The following PCDHA3 variants were observed in gnomAD, a reference collection of about 807,000 sequenced individuals.
PCDHA3 encodes the protein protocadherin alpha 3.
Under a neutral mutation model 62.2 loss-of-function variants are expected in PCDHA3, and 41 were observed. The observed-to-expected ratio is 0.66, with a 90% CI of 0.51 to 0.86. The LOEUF is 0.86. PCDHA3 is among the 40% of genes least tolerant of loss of function. The pLI, the probability that PCDHA3 is intolerant of heterozygous loss-of-function variation, is 0.00. For missense variants in PCDHA3, 1,304 were observed against 1,241.2 expected, an observed-to-expected ratio of 1.05 and a Z score of -0.76; for synonymous variants, 640 against 555.4, an observed-to-expected ratio of 1.15 and a Z score of -2.14.
chr5:140,891,974 C>T (rs2063333007), intron 1 of PCDHA3, among the ~76,000 whole-genome samples: 1 of 152,170 alleles, frequency 6.6e-6, no homozygotes, highest in South Asian at 2.1e-4. Context: ...AATTTCCGTT[C>T]TCATAAATTA....
chr5:140,968,802 C>T, intron 1 of PCDHA3: 1 of 1,614,218 alleles, frequency 6.2e-7, no homozygotes. Flanking sequence ...ATTACAGTAG[C>T]TGTGGTGGAT....
rs1562773759 is a variant in PCDHA3 at position 140,882,388 on chromosome 5, A to G, written c.2394+78797A>G. 2.5e-6 allele frequency: 4 copies of G among 1,614,158 alleles called. No individual in the cohort carries two copies. The African/African-American group carries it at 4.0e-5, about 16-fold the overall frequency. Reference sequence around the variant, plus strand: ...ACTACTCCGTCCCCGAGGAAGCAAAACACGGCACCTTCGTGGGCCGCATCG... The same window carrying G: ...ACTACTCCGTCCCCGAGGAAGCAAAGCACGGCACCTTCGTGGGCCGCATCG... On this transcript the variant is annotated intron_variant, in intron 1 of 3. Transcript: ENST00000522353.
chr5:140,927,959 G>A lies in PCDHA3; in HGVS notation c.2395-50990G>A. On this transcript the variant is annotated intron_variant, in intron 1 of 3. Transcript: ENST00000522353. ...CCAGTACCTGAGGACGCTGCCCCTG[G>A]CACAGTGATTGCTCTCTTTAGTGTA... 1 of 1,614,190 alleles carries A rather than the reference G, an allele frequency of 6.2e-7. No individual in the cohort carries two copies. Among genetic ancestry groups the A allele is most frequent in the East Asian group, 2.2e-5 (1 of 44,886 alleles).
At position 140,807,432 on chromosome 5, in the gene PCDHA3, G is replaced by T. The variant is rs1554124011; in HGVS notation, c.2394+3841G>T. The T allele has an allele frequency of 1.9e-6, 3 of 1,599,340 alleles. No individual in the cohort carries two copies. The South Asian group carries it at 3.3e-5, about 18-fold the overall frequency. On this transcript the variant is annotated intron_variant, in intron 1 of 3. Coordinates refer to ENST00000522353, the MANE Select transcript of PCDHA3 (RefSeq NM_018906.3). ...CTTCTGGAGGTAAATCTGCAGAATG[G>T]CATTTTGTTTGTGAATTCTCGGATC...
rs903321831 is a variant in PCDHA3, at chr5:140,926,671, C to A, written c.2395-52278C>A. ...CGGCTCCGCTTTCCCAGACGGCTGC[C>A]CAGCCTCCAGCCTAGCAAGCCCGGC... On this transcript the variant is annotated intron_variant, in intron 1 of 3. Coordinates refer to ENST00000522353, the MANE Select transcript of PCDHA3 (RefSeq NM_018906.3). The A allele has an allele frequency of 3.5e-5, 20 of 579,422 alleles. No homozygotes were observed. The South Asian group carries it at 7.5e-4, about 22-fold the overall frequency. 35.9% of individuals were successfully genotyped at this position (579,422 alleles called of 1,614,324 possible).
chr5:140,843,097 G>A lies in PCDHA3; in HGVS notation c.2394+39506G>A, dbSNP rs2150352521. 1.9e-6 allele frequency: 3 copies of A among 1,595,590 alleles called. 1 individual carries two copies. The highest frequency in any genetic ancestry group is 1.1e-5 in the South Asian group (1 of 90,512). On this transcript the variant is annotated intron_variant, in intron 1 of 3. Transcript: ENST00000522353. ...CTGTGGGCGCGGGCCACGTGGTAGCGAAGGTGCGCGCAGTGGACGCCGACT... is the reference window on the plus strand; with the variant it reads ...CTGTGGGCGCGGGCCACGTGGTAGCAAAGGTGCGCGCAGTGGACGCCGACT...
chr5:140,861,587 G>C, intron 1 of PCDHA3: 1 of 374,992 alleles, frequency 2.7e-6, no homozygotes, highest in South Asian at 2.4e-5. Flanking sequence ...TCCATGTGGA[G>C]GTGAAAGTGA....
chr5:141,009,471 G>A, intron 3 of PCDHA3, 156 bp from the exon 4 acceptor site: 1 of 961,136 alleles, frequency 1.0e-6, no homozygotes, highest in Non-Finnish European at 1.2e-6. Context: ...AAATAAATAA[G>A]TAAACACTTG....
chr5:140,807,052 C>G, intron 1 of PCDHA3: 1 of 1,051,964 alleles, frequency 9.5e-7, no homozygotes, highest in African/African-American at 1.6e-5. Context: ...TCCTTCTATT[C>G]TTACTGGAAG....
At position 140,801,260 on chromosome 5, in the gene PCDHA3, C is replaced by A. The variant is rs1290805371; in HGVS notation, c.63C>A (p.Leu21=). ...GCCTGCTGCTTTCTCTTCTGCTCCT[C>A]GCAGCCTCGGAGGTGGGGAGCGGCC... is the stretch of plus-strand genomic sequence containing the variant. ...AQCLLLSLLL[L]AASEVGSGQL... The change falls in exon 1 of 4, where the codon CTC becomes CTA. Residue 21 remains leucine (L), a synonymous_variant. Coordinates refer to ENST00000522353, the MANE Select transcript of PCDHA3 (RefSeq NM_018906.3). 1 of 1,613,632 alleles carries A rather than the reference C, an allele frequency of 6.2e-7. No homozygotes were observed. The highest frequency in any genetic ancestry group is 8.5e-7 in the Non-Finnish European group (1 of 1,179,876).
At chr5:140,875,181 TAA>T (rs1554167538) in intron 1 of PCDHA3, 2 of 448,484 alleles carry the variant, frequency 4.5e-6, no homozygotes, top group East Asian at 4.2e-5. Flanking sequence ...ACATTAGAAT[TAA>T]GAGTGACCCA....
intron 1 of PCDHA3, among the ~76,000 whole-genome samples, chr5:140,886,964 A>T (rs2061244320): frequency 6.6e-6 from 1 of 152,114 alleles, no homozygotes; most frequent in Admixed American, 6.5e-5. Context: ...TTAGCAACGA[A>T]ATTTATTATT....
At chr5:140,874,144 T>C (rs1554167057) in intron 1 of PCDHA3, among the ~76,000 whole-genome samples, 2 of 152,244 alleles carry the variant, frequency 1.3e-5, no homozygotes. Context: ...CTTATACTTG[T>C]AGAGCCATTC....
intron 1 of PCDHA3, among the ~76,000 whole-genome samples, chr5:140,938,921 T>C (rs2092266107): frequency 6.6e-6 from 1 of 151,840 alleles, no homozygotes; most frequent in Non-Finnish European, 1.5e-5. Context: ...GCACAAGAAA[T>C]TGGCTTTTAA....
At chr5:140,896,090 C>T (rs1312909051) in intron 1 of PCDHA3, among the ~76,000 whole-genome samples, 2 of 152,152 alleles carry the variant, frequency 1.3e-5, no homozygotes, top group African/African-American at 4.8e-5. Flanking sequence ...GGATTACAGG[C>T]GTGAGCCACT....
In PCDHA3 at chr5:140,829,763, G is replaced by C. The variant is rs2150174106; in HGVS notation, c.2394+26172G>C. On this transcript the variant is annotated intron_variant, in intron 1 of 3. Coordinates refer to ENST00000522353, the MANE Select transcript of PCDHA3 (RefSeq NM_018906.3). ...GACGCTGCAGGTGTTCGTGCTGGAC[G>C]AGAACGACAACGCGCCGGCGCTGCT... The C allele has an allele frequency of 5.8e-5, 94 of 1,613,770 alleles. No homozygotes were observed. In the East Asian group the frequency reaches 2.1e-3, roughly 36 times the overall value.
intron 1 of PCDHA3, chr5:140,869,706 T>C (rs1554163364): frequency 2.5e-6 from 4 of 1,613,406 alleles, no homozygotes; most frequent in South Asian, 1.1e-5. Flanking sequence ...AGTCTCTGGA[T>C]AGAGAGAAAA....
intron 3 of PCDHA3, among the ~76,000 whole-genome samples, chr5:140,990,733 A>G (rs2097410113): frequency 6.6e-6 from 1 of 152,198 alleles, no homozygotes; most frequent in Admixed American, 6.5e-5. Flanking sequence ...GTATATCAAC[A>G]GCCCTAGGGT....
intron 1 of PCDHA3, among the ~76,000 whole-genome samples, chr5:140,938,685 C>CTT (rs1554212299): frequency 6.6e-6 from 1 of 151,964 alleles, no homozygotes; most frequent in African/African-American, 2.4e-5. Context: ...ATTTTCTTTA[C>CTT]AGTTTTTAAA....
Sources: allele counts gnomAD v4.1 joint callset (sites outside exome capture counted in the v4.1 genomes callset), GRCh38; gene constraint gnomAD v4.1.1; transcripts MANE v1.5; gene names NCBI Gene and HGNC (gene_info 2026-07-23, HGNC 2026-07-21).